Variants in LPCAT1 observed in about 807,000 individuals in gnomAD.
LPCAT1 encodes the protein 1-acylglycerol-3-phosphate O-acyltransferase.
A neutral mutation model predicts 60.9 loss-of-function variants in LPCAT1; 23 were observed. The ratio of observed to expected loss-of-function variants is 0.38; its 90% CI spans 0.27 to 0.53. The LOEUF (loss-of-function observed/expected upper bound fraction) is 0.53. LPCAT1 is among the 20% of genes least tolerant of loss of function. LPCAT1 has a pLI of 0.82. For synonymous variants in LPCAT1, 340 were observed against 301.1 expected, an observed-to-expected ratio of 1.13 and a Z score of -1.34; for missense variants, 622 against 723.6, an observed-to-expected ratio of 0.86 and a Z score of 1.61.
intron 12 of LPCAT1, among the ~76,000 whole-genome samples, chr5:1,469,777 T>A (rs1300833775): frequency 6.7e-6 from 1 of 150,054 alleles, no homozygotes; most frequent in Non-Finnish European, 1.5e-5. Flanking sequence ...CGAGACTCCA[T>A]CTCACAAAAA....
intron 1 of LPCAT1, among the ~76,000 whole-genome samples, chr5:1,514,261 C>T (rs1736438608): frequency 6.6e-6 from 1 of 152,242 alleles, no homozygotes; most frequent in African/African-American, 2.4e-5. Context: ...AGGGAGGCCC[C>T]AGCCTCATCT....
At position 1,501,512 on chromosome 5, in the gene LPCAT1, G is replaced by T. The variant is rs559046387; in HGVS notation, c.227C>A (p.Ser76Tyr). Residue 76 changes from serine to tyrosine, a missense_variant, in exon 2 of 14, where the codon TCC (serine) becomes TAC (tyrosine). Physicochemically the swap from Ser to Tyr is moderately radical, Grantham distance 144. Around this residue, in one of 3 missense-constraint regions of LPCAT1, gnomAD observed 125 missense variants for 114.5 expected, o/e 1.09. Coordinates refer to ENST00000283415, the MANE Select transcript of LPCAT1 (RefSeq NM_024830.5). Reference protein sequence around the residue: ...LLAWPLALVASLGSAEKEPEQ... With the variant: ...LLAWPLALVAYLGSAEKEPEQ... ...GGGTTCCTTCTCCGCAGAGCCCAGG[G>T]ATGCGACAAGTGCGAGGGGCCAGGC... 2 of 1,613,904 alleles carry T rather than the reference G, an allele frequency of 1.2e-6. 1 individual carries two copies. The highest frequency in any genetic ancestry group is 2.2e-5 in the South Asian group (2 of 91,086).
chr5:1,500,714 T>C (rs990760685), intron 2 of LPCAT1, among the ~76,000 whole-genome samples: 13 of 152,194 alleles, frequency 8.5e-5, no homozygotes, highest in African/African-American at 2.9e-4. Context: ...AATGGGGATT[T>C]TGATGTCAAG....
At chr5:1,485,960 C>A (rs140865211) in intron 5 of LPCAT1, among the ~76,000 whole-genome samples, 1 of 152,190 alleles carries the variant, frequency 6.6e-6, no homozygotes, top group Non-Finnish European at 1.5e-5. Context: ...GCTGGGCCCA[C>A]GCAGCATCCT....
At position 1,502,264 on chromosome 5, in the gene LPCAT1, C is replaced by A. The variant is rs962291141; in HGVS notation, c.136-661G>T. Among the ~76,000 whole-genome samples, 2 of 152,036 alleles carry A rather than the reference C, an allele frequency of 1.3e-5. No individual in the cohort carries two copies. Among genetic ancestry groups the A allele is most frequent in the Non-Finnish European group, 2.9e-5 (2 of 68,010 alleles). On this transcript the variant is annotated intron_variant, in intron 1 of 13. Transcript: ENST00000283415. The surrounding 1 kb of genome is among the most constrained non-coding windows in gnomAD (Gnocchi z 5.5). Reference sequence around the variant, plus strand: ...GGACGCACCCCCAGGCAGCTCCGCCCCCCAGGACACACCCCCAGCCCCGCA... The same window carrying A: ...GGACGCACCCCCAGGCAGCTCCGCCACCCAGGACACACCCCCAGCCCCGCA...
Position 1,489,903 on chromosome 5 carries a change from C to T in LPCAT1, c.494-45G>A, listed in dbSNP as rs140452826. The T allele has an allele frequency of 5.7e-3, 8,054 of 1,413,320 alleles. 41 individuals carry two copies. Among genetic ancestry groups the T allele is most frequent in the Middle Eastern group, 0.021 (119 of 5,664 alleles). 87.5% of individuals were successfully genotyped at this position (1,413,320 alleles called of 1,614,324 possible). On this transcript the variant is annotated intron_variant, in intron 3 of 13. Coordinates refer to ENST00000283415, the MANE Select transcript of LPCAT1 (RefSeq NM_024830.5). ...ACGGATCACGTGGAATGCACGGCTC[C>T]CGCCAGGCAGGGCTGAGGAACGAGG... is the stretch of plus-strand genomic sequence containing the variant.
At position 1,483,420 on chromosome 5, in the gene LPCAT1, C is replaced by A. The variant is rs755347199; in HGVS notation, c.726+8G>T. ...CCTGGAAGCTGACCCCAAAAAAACA[C>A]AACTCACCAGTTTATTTGGATATCG... On this transcript the variant is annotated splice_region_variant and intron_variant, in intron 6 of 13. Transcript: ENST00000283415. This position sits in a 1 kb window ranked among gnomAD's most constrained non-coding sequence, Gnocchi z 9.2. 1.2e-6 allele frequency: 2 copies of A among 1,613,734 alleles called. No homozygotes were observed. The highest frequency in any genetic ancestry group is 1.1e-5 in the South Asian group (1 of 91,090).
rs553637109 is a variant in LPCAT1 at position 1,465,166 on chromosome 5, GCA to G, written c.1421-1333_1421-1332del. ...GCACACGCGGTAACTAAACATGCAT[GCA>G]CACACACAAAACAAGCGCACGCGCA... On this transcript the variant is annotated intron_variant, in intron 13 of 13. Transcript: ENST00000283415. Among the ~76,000 whole-genome samples the G allele has an allele frequency of 9.3e-4, 131 of 141,270 alleles. 2 individuals are homozygous for G. The highest frequency in any genetic ancestry group is 1.7e-3 in the Admixed American group (24 of 13,882). The allele number at this position is 141,270 out of a possible 152,430, so 92.7% of individuals were successfully genotyped here. A position where few individuals can be genotyped will look rare whatever the true frequency, so the allele number is the denominator to read the frequency against.
intron 3 of LPCAT1, among the ~76,000 whole-genome samples, chr5:1,493,981 G>A (rs1173738997): frequency 2.0e-5 from 3 of 152,256 alleles, no homozygotes; most frequent in Non-Finnish European, 2.9e-5. Flanking sequence ...TCAGAGGGAC[G>A]CAGCCCCCAG....
intron 4 of LPCAT1, among the ~76,000 whole-genome samples, chr5:1,489,071 G>C (rs573330825): frequency 2.6e-5 from 4 of 152,230 alleles, no homozygotes; most frequent in African/African-American, 9.6e-5. Context: ...CAGACCTCAG[G>C]GGGGCCGGCG....
At position 1,495,649 on chromosome 5, in the gene LPCAT1, G is replaced by T. The variant is rs115859739; in HGVS notation, c.279-735C>A. Among the ~76,000 whole-genome samples the T allele has an allele frequency of 0.013, 1,969 of 152,300 alleles. 40 individuals are homozygous for T. The highest frequency in any genetic ancestry group is 0.043 in the African/African-American group (1,768 of 41,554). On this transcript the variant is annotated intron_variant, in intron 2 of 13. Coordinates refer to ENST00000283415, the MANE Select transcript of LPCAT1 (RefSeq NM_024830.5). The surrounding 1 kb of genome is among the most constrained non-coding windows in gnomAD (Gnocchi z 4.7). ...TCAGGGAATTGACACGCAGCAGACAGCCACGGTGTGTGAGAAGCCACAGGT... is the reference window on the plus strand; with the variant it reads ...TCAGGGAATTGACACGCAGCAGACATCCACGGTGTGTGAGAAGCCACAGGT...
chr5:1,518,214 T>G (rs1736564293), intron 1 of LPCAT1, among the ~76,000 whole-genome samples: 1 of 151,986 alleles, frequency 6.6e-6, no homozygotes, highest in African/African-American at 2.4e-5. Context: ...CTGGACGCCT[T>G]CCAGAGAAAA....
Position 1,462,218 on chromosome 5 carries a change from A to G in LPCAT1, c.*1433T>C, listed in dbSNP as rs1362322795. The stretch of plus-strand genomic sequence containing the variant: ...AAAAATCAATTCATTTCAGAAATCA[A>G]AAAAATTTTCCAAACAAACCCGGAG... On this transcript the variant is annotated 3_prime_UTR_variant, in exon 14 of 14. Transcript: ENST00000283415. The G allele has an allele frequency of 6.6e-6, 1 of 152,662 alleles. No homozygotes were observed. Among genetic ancestry groups the G allele is most frequent in the Non-Finnish European group, 1.5e-5 (1 of 68,044 alleles). The allele number at this position is 152,662 out of a possible 1,614,324, so 9.5% of individuals were successfully genotyped here. A position where few individuals can be genotyped will look rare whatever the true frequency, so the allele number is the denominator to read the frequency against.
intron 12 of LPCAT1, among the ~76,000 whole-genome samples, chr5:1,468,138 C>T (rs568233565): frequency 6.6e-6 from 1 of 152,330 alleles, no homozygotes; most frequent in South Asian, 2.1e-4. Flanking sequence ...CGCGTTCACA[C>T]CCTCTTCCCG....
intron 1 of LPCAT1, among the ~76,000 whole-genome samples, chr5:1,506,978 A>G (rs1289357501): frequency 6.6e-6 from 1 of 152,200 alleles, no homozygotes; most frequent in Admixed American, 6.5e-5. Context: ...CAGCAGGGGC[A>G]GCATGCGGAA....
rs574696682 is a variant in LPCAT1, at chr5:1,481,158, C to G, written c.727-182G>C. Among the ~76,000 whole-genome samples, 5 of 152,222 alleles carry G rather than the reference C, an allele frequency of 3.3e-5. No individual in the cohort carries two copies. Among genetic ancestry groups the G allele is most frequent in the African/African-American group, 1.2e-4 (5 of 41,540 alleles). ...GTCCCTGAGGATCCAGGACTCGGAC[C>G]AGCCCCCCAGCCTGAGGTCCCCAGA... On this transcript the variant is annotated intron_variant, in intron 6 of 13. Transcript: ENST00000283415. This position sits in a 1 kb window ranked among gnomAD's most constrained non-coding sequence, Gnocchi z 7.8.
intron 2 of LPCAT1, among the ~76,000 whole-genome samples, chr5:1,497,177 C>T (rs907122173): frequency 6.6e-6 from 1 of 152,332 alleles, no homozygotes; most frequent in South Asian, 2.1e-4. Flanking sequence ...CATCAAAGAA[C>T]AAGAAAACAC....
At chr5:1,475,106 T>C (rs1424640338) in intron 9 of LPCAT1, among the ~76,000 whole-genome samples, 1 of 152,198 alleles carries the variant, frequency 6.6e-6, no homozygotes, top group East Asian at 1.9e-4. Flanking sequence ...GTGAAGCAAC[T>C]GTCTGTGAAG....
intron 3 of LPCAT1, among the ~76,000 whole-genome samples, chr5:1,494,118 G>A (rs1479794161): frequency 3.4e-5 from 5 of 148,742 alleles, no homozygotes; most frequent in African/African-American, 1.3e-4. Flanking sequence ...TTTGGGGAGG[G>A]GTCATGGCAG....
Sources: allele counts gnomAD v4.1 joint callset (sites outside exome capture counted in the v4.1 genomes callset), GRCh38; gene constraint gnomAD v4.1.1; regional missense constraint gnomAD v4.1.1; non-coding constraint Gnocchi (gnomAD v3.1); transcripts MANE v1.5; gene names NCBI Gene and HGNC (gene_info 2026-07-23, HGNC 2026-07-21).